Variants in LRCH1 observed in about 807,000 individuals in gnomAD.
The protein encoded by LRCH1 is leucine rich repeats and calponin homology domain containing 1.
LRCH1 carries 23 observed loss-of-function variants against 94.9 expected under a neutral mutation model. That is an observed-to-expected ratio of 0.24 (90% CI 0.17 to 0.34). The LOEUF is 0.34. Ranked by LOEUF, LRCH1 falls within the 10% of genes least tolerant of loss-of-function variation. LRCH1 has a pLI of 1.00. For synonymous variants in LRCH1, 364 were observed against 354.9 expected, an observed-to-expected ratio of 1.03 and a Z score of -0.29; for missense variants, 790 against 945.9, an observed-to-expected ratio of 0.84 and a Z score of 2.16.
chr13:46,659,845 C>T (rs1362440776), intron 2 of LRCH1, among the ~76,000 whole-genome samples: 3 of 152,080 alleles, frequency 2.0e-5, no homozygotes, highest in African/African-American at 7.2e-5. Flanking sequence ...CCCTTGTGAC[C>T]TCAGTACCAG....
At chr13:46,675,353 T>A (rs1332281873) in intron 3 of LRCH1, among the ~76,000 whole-genome samples, 1 of 152,028 alleles carries the variant, frequency 6.6e-6, no homozygotes, top group Non-Finnish European at 1.5e-5. Flanking sequence ...CCAGAGATGT[T>A]TTTTTTTCAA....
At chr13:46,705,394 T>G (rs1010868032) in intron 13 of LRCH1, 90 bp downstream of exon 13, 2 of 1,130,814 alleles carry the variant, frequency 1.8e-6, no homozygotes, top group Admixed American at 1.7e-5. Flanking sequence ...TGTCAGGGAG[T>G]GAAACATCTT....
At chr13:46,657,453 CT>C (rs1353010506) in intron 2 of LRCH1, among the ~76,000 whole-genome samples, 10 of 131,870 alleles carry the variant, frequency 7.6e-5, no homozygotes, top group Non-Finnish European at 1.3e-4. Flanking sequence ...ACCACCACCA[CT>C]TTTTTTCTTT....
At chr13:46,705,035 C>T (rs368397872) in intron 11 of LRCH1, 33 bp from the exon 12 acceptor site, 339 of 1,150,114 alleles carry the variant, frequency 2.9e-4, no homozygotes, top group African/African-American at 1.1e-3. Flanking sequence ...AAGTTTAATA[C>T]GTTTACTAAT....
At chr13:46,750,456 T>G in intron 18 of LRCH1, 1 of 972,574 alleles carries the variant, frequency 1.0e-6, no homozygotes, top group Non-Finnish European at 1.6e-6. Flanking sequence ...TCAACCTAAC[T>G]TTGATGTCAT....
chr13:46,719,091 T>C (rs1057368230), intron 16 of LRCH1, among the ~76,000 whole-genome samples: 7 of 152,398 alleles, frequency 4.6e-5, no homozygotes, highest in African/African-American at 1.7e-4. Context: ...CTCATTACTA[T>C]GGATGCAGCT....
intron 2 of LRCH1, among the ~76,000 whole-genome samples, chr13:46,664,269 G>A (rs1055756582): frequency 6.6e-6 from 1 of 152,134 alleles, no homozygotes; most frequent in Non-Finnish European, 1.5e-5. Flanking sequence ...ACCACATAAT[G>A]ACATTTTGGT....
intron 13 of LRCH1, among the ~76,000 whole-genome samples, chr13:46,709,599 A>T (rs1871951210): frequency 6.6e-6 from 1 of 152,214 alleles, no homozygotes; most frequent in Non-Finnish European, 1.5e-5. Flanking sequence ...TTAAAAACGC[A>T]TATATACCTG....
At chr13:46,727,852 A>G (rs568074803) in intron 17 of LRCH1, among the ~76,000 whole-genome samples, 1 of 152,188 alleles carries the variant, frequency 6.6e-6, no homozygotes, top group East Asian at 1.9e-4. Context: ...AATTTTTAAA[A>G]GAAGGACAAA....
At chr13:46,626,738 T>C (rs2050955379) in intron 1 of LRCH1, among the ~76,000 whole-genome samples, 1 of 152,202 alleles carries the variant, frequency 6.6e-6, no homozygotes, top group Non-Finnish European at 1.5e-5. Flanking sequence ...TGCTGAAGTT[T>C]TGTTGCTCTT....
chr13:46,569,763 T>A (rs890535949), intron 1 of LRCH1, among the ~76,000 whole-genome samples: 1 of 152,180 alleles, frequency 6.6e-6, no homozygotes, highest in African/African-American at 2.4e-5. Context: ...TGTTCCCATA[T>A]GTTCCAGGTT....
chr13:46,610,496 T>G (rs1328080256), intron 1 of LRCH1, among the ~76,000 whole-genome samples: 3 of 152,064 alleles, frequency 2.0e-5, no homozygotes, highest in African/African-American at 7.2e-5. Flanking sequence ...TCCTTTTTTT[T>G]TTTTTAATTT....
intron 11 of LRCH1, 39 bp from the exon 12 acceptor site, chr13:46,705,029 T>G (rs758402741): frequency 8.2e-6 from 9 of 1,100,006 alleles, no homozygotes; most frequent in Non-Finnish European, 1.2e-5. Flanking sequence ...AAATAAAAGT[T>G]TAATACGTTT....
chr13:46,577,140 G>A (rs949974772), intron 1 of LRCH1, among the ~76,000 whole-genome samples: 4 of 152,084 alleles, frequency 2.6e-5, no homozygotes, highest in African/African-American at 9.7e-5. Flanking sequence ...TGTTGCCCAG[G>A]CTGAGTGCAA....
In LRCH1 at chr13:46,705,062, C is replaced by T. The variant is rs747319325; in HGVS notation, c.1401-6C>T. The T allele has an allele frequency of 1.3e-6, 2 of 1,486,634 alleles. No individual in the cohort carries two copies. The highest frequency in any genetic ancestry group is 1.9e-5 in the Admixed American group (1 of 52,156). 92.1% of individuals were successfully genotyped at this position (1,486,634 alleles called of 1,614,324 possible). On this transcript the variant is annotated splice_region_variant and splice_polypyrimidine_tract_variant and intron_variant, in intron 11 of 19. Transcript: ENST00000389797. ...TTTACTAATATCTTTTTTTCCTACT[C>T]TTTAGATTAAGCACAGATATTACAG...
At position 46,694,948 on chromosome 13, in the gene LRCH1, C is replaced by T; in HGVS notation, c.1176C>T (p.Asn392=). ...PEPSLLGDST[N]SGEERDQFTD... ...CTTCCCTTTTGGGTGACAGCACCAA[C>T]TCAGGAGAAGAAAGAGACCAGTTTA... Residue 392 remains asparagine (N), a synonymous_variant, in exon 9 of 20, where the codon AAC becomes AAT. Coordinates refer to ENST00000389797, the MANE Select transcript of LRCH1 (RefSeq NM_001164211.2). 6.2e-7 allele frequency: 1 copy of T among 1,614,154 alleles called. No individual in the cohort carries two copies. Among genetic ancestry groups the T allele is most frequent in the South Asian group, 1.1e-5 (1 of 91,078 alleles).
At chr13:46,573,173 C>T (rs1025530125) in intron 1 of LRCH1, among the ~76,000 whole-genome samples, 5 of 152,288 alleles carry the variant, frequency 3.3e-5, no homozygotes, top group East Asian at 1.9e-4. Context: ...CATCATTAAA[C>T]GCTGAGAGAA....
chr13:46,708,864 A>G (rs545201785), intron 13 of LRCH1, among the ~76,000 whole-genome samples: 1 of 152,338 alleles, frequency 6.6e-6, no homozygotes, highest in South Asian at 2.1e-4. Context: ...CTCATTGCAT[A>G]GCACAAACAC....
intron 1 of LRCH1, among the ~76,000 whole-genome samples, chr13:46,556,145 A>G (rs935911219): frequency 3.3e-5 from 5 of 151,992 alleles, no homozygotes; most frequent in African/African-American, 1.2e-4. Flanking sequence ...TTTTCCATAT[A>G]TTTTCTAAGA....
Sources: allele counts gnomAD v4.1 joint callset (sites outside exome capture counted in the v4.1 genomes callset), GRCh38; gene constraint gnomAD v4.1.1; transcripts MANE v1.5; gene names NCBI Gene and HGNC (gene_info 2026-07-23, HGNC 2026-07-21).